Variants in PCDHGA6 observed in about 807,000 individuals in gnomAD.
PCDHGA6 encodes the protein protocadherin gamma subfamily A, 6, also known as protocadherin gamma-A6.
Under a neutral mutation model 60.6 loss-of-function variants are expected in PCDHGA6, and 41 were observed. The ratio of observed to expected loss-of-function variants is 0.68; its 90% CI spans 0.53 to 0.88. The LOEUF (loss-of-function observed/expected upper bound fraction) is 0.88, where lower values mean the gene tolerates loss of function less well. Among genes scored for constraint, PCDHGA6 ranks in the 40% least tolerant of loss-of-function variants. The pLI is 0.00. For missense variants in PCDHGA6, 1,312 were observed against 1,203.0 expected, an observed-to-expected ratio of 1.09 and a Z score of -1.34; for synonymous variants, 594 against 524.4, an observed-to-expected ratio of 1.13 and a Z score of -1.81.
At chr5:141,399,564 G>C (rs1284243936) in intron 1 of PCDHGA6, 3 of 1,614,038 alleles carry the variant, frequency 1.9e-6, no homozygotes, top group East Asian at 4.5e-5. Flanking sequence ...ACTTGGGGTT[G>C]AACGGCCAAG....
At position 141,461,820 on chromosome 5, in the gene PCDHGA6, AT is replaced by A. The variant is rs1458631685; in HGVS notation, c.2425-32978del. Among the ~76,000 whole-genome samples the A allele has an allele frequency of 8.1e-5, 12 of 147,918 alleles. 1 individual carries two copies. In the South Asian group the frequency reaches 1.3e-3, roughly 16 times the overall value. On this transcript the variant is annotated intron_variant, in intron 1 of 3. Transcript: ENST00000517434. ...AGGTGCCCACCACCACACCCAGCTAATTTTTTTTTCTTTTTTTTTTGAGACA... is the reference window on the plus strand; with the variant it reads ...AGGTGCCCACCACCACACCCAGCTAATTTTTTTTCTTTTTTTTTTGAGACA...
intron 1 of PCDHGA6, among the ~76,000 whole-genome samples, chr5:141,470,664 G>A (rs1308061207): frequency 6.6e-6 from 1 of 151,882 alleles, no homozygotes; most frequent in Non-Finnish European, 1.5e-5. Context: ...CTTTGGTTAG[G>A]GCTCTGCTGT....
chr5:141,383,658 G>A, intron 1 of PCDHGA6: 1 of 1,614,036 alleles, frequency 6.2e-7, no homozygotes, highest in Admixed American at 1.7e-5. Context: ...CTGTCCCCGA[G>A]AATGTGCCAG....
At chr5:141,457,230 A>G (rs1248092452) in intron 1 of PCDHGA6, among the ~76,000 whole-genome samples, 2 of 152,174 alleles carry the variant, frequency 1.3e-5, no homozygotes, top group African/African-American at 4.8e-5. Flanking sequence ...GGTAATTTCC[A>G]TCTAAAATTT....
chr5:141,487,451 A>G lies in PCDHGA6; in HGVS notation c.2425-7356A>G. 6.2e-7 allele frequency: 1 copy of G among 1,614,122 alleles called. No homozygotes were observed. Among genetic ancestry groups the G allele is most frequent in the Non-Finnish European group, 8.5e-7 (1 of 1,180,006 alleles). On this transcript the variant is annotated intron_variant, in intron 1 of 3. Transcript: ENST00000517434. This position sits in a 1 kb window ranked among gnomAD's most constrained non-coding sequence, Gnocchi z 5.0. ...AATCCAGCTAGGGTCAGATGACCCT[A>G]TCAAGTTTGTTGATGTGGGAGGCCA...
chr5:141,439,459 A>T (rs558086952), intron 1 of PCDHGA6, among the ~76,000 whole-genome samples: 1 of 152,340 alleles, frequency 6.6e-6, no homozygotes, highest in African/African-American at 2.4e-5. Flanking sequence ...GCAAGACTGC[A>T]CTGCTGCCTT....
rs1426255577 is a variant in PCDHGA6, at chr5:141,512,797, TG to T, written c.*1625del. 6.6e-6 allele frequency: 1 copy of T among 152,300 alleles called. No homozygotes were observed. Among genetic ancestry groups the T allele is most frequent in the African/African-American group, 2.4e-5 (1 of 41,444 alleles). The allele number at this position is 152,300 out of a possible 1,614,324, so 9.4% of individuals were successfully genotyped here. On this transcript the variant is annotated 3_prime_UTR_variant, in exon 4 of 4. Transcript: ENST00000517434. ...GCGGCCCGTGTTGTGTTTTGTGCTGTGTCCACGCGCTAAGGCGACCCCCTCC... is the reference window on the plus strand; with the variant it reads ...GCGGCCCGTGTTGTGTTTTGTGCTGTTCCACGCGCTAAGGCGACCCCCTCC...
chr5:141,432,706 C>G lies in PCDHGA6; in HGVS notation c.2424+56199C>G, dbSNP rs761752571. The G allele has an allele frequency of 6.2e-7, 1 of 1,613,988 alleles. No homozygotes were observed. Among genetic ancestry groups the G allele is most frequent in the African/African-American group, 1.3e-5 (1 of 75,072 alleles). Reference sequence around the variant, plus strand: ...GCCTCGTAGTGGCCGTCCAGGACCACGGCCAGCCCCCTCTCTCCGCCACTG... The same window carrying G: ...GCCTCGTAGTGGCCGTCCAGGACCAGGGCCAGCCCCCTCTCTCCGCCACTG... On this transcript the variant is annotated intron_variant, in intron 1 of 3. Transcript: ENST00000517434. The surrounding 1 kb of genome is among the most constrained non-coding windows in gnomAD (Gnocchi z 6.0).
chr5:141,414,334 A>G, intron 1 of PCDHGA6: 6 of 1,613,782 alleles, frequency 3.7e-6, no homozygotes, highest in Non-Finnish European at 5.1e-6. Flanking sequence ...TGGACAGGTA[A>G]CCTGTTCCAT....
Position 141,432,617 on chromosome 5 carries a change from G to A in PCDHGA6, c.2424+56110G>A. The A allele has an allele frequency of 6.2e-7, 1 of 1,613,694 alleles. No individual in the cohort carries two copies. Among genetic ancestry groups the A allele is most frequent in the South Asian group, 1.1e-5 (1 of 91,044 alleles). On this transcript the variant is annotated intron_variant, in intron 1 of 3. Coordinates refer to ENST00000517434, the MANE Select transcript of PCDHGA6 (RefSeq NM_018919.3). This position sits in a 1 kb window ranked among gnomAD's most constrained non-coding sequence, Gnocchi z 6.0. ...CAGCGAGCCGGGACTCTTCTCGGTGGGTCTGCACACGGGCGAGGTGCGCAC... is the reference window on the plus strand; with the variant it reads ...CAGCGAGCCGGGACTCTTCTCGGTGAGTCTGCACACGGGCGAGGTGCGCAC...
chr5:141,393,630 A>T (rs1298038670), intron 1 of PCDHGA6: 7 of 1,613,976 alleles, frequency 4.3e-6, no homozygotes, highest in Non-Finnish European at 5.9e-6. Flanking sequence ...GGATGAGGGA[A>T]TCAACGGAAA....
Position 141,438,619 on chromosome 5 carries a change from T to C in PCDHGA6, c.2425-56188T>C, listed in dbSNP as rs1053855444. Reference sequence around the variant, plus strand: ...ATATATATATATATATATATATATATATATATATATATATATACACACACA... The same window carrying C: ...ATATATATATATATATATATATATACATATATATATATATATACACACACA... On this transcript the variant is annotated intron_variant, in intron 1 of 3. Transcript: ENST00000517434. 1.0e-4 allele frequency among the ~76,000 whole-genome samples: 4 copies of C among 39,678 alleles called. No homozygotes were observed. The East Asian group carries it at 2.5e-3, about 25-fold the overall frequency. The allele number at this position is 39,678 out of a possible 152,430, so 26.0% of individuals were successfully genotyped here.
At chr5:141,378,584 A>T (rs1775030344) in intron 1 of PCDHGA6, 1 of 152,240 alleles carries the variant, frequency 6.6e-6, no homozygotes, top group Admixed American at 6.5e-5. Flanking sequence ...CATGCTCGGT[A>T]GTGTCTGCTT....
Position 141,417,750 on chromosome 5 carries a change from G to A in PCDHGA6, c.2424+41243G>A, listed in dbSNP as rs1430413607. The A allele has an allele frequency of 1.5e-5, 22 of 1,426,796 alleles. 1 individual carries two copies. In the East Asian group the frequency reaches 5.5e-4, roughly 36 times the overall value. The allele number at this position is 1,426,796 out of a possible 1,614,324, so 88.4% of individuals were successfully genotyped here. On this transcript the variant is annotated intron_variant, in intron 1 of 3. Coordinates refer to ENST00000517434, the MANE Select transcript of PCDHGA6 (RefSeq NM_018919.3). ...CCTTGCCCAGCACACCAGATTGCCA[G>A]CTCCGAGACCCGGGACTCCTCCTGT...
Position 141,476,247 on chromosome 5 carries a change from G to A in PCDHGA6, c.2425-18560G>A. The A allele has an allele frequency of 6.2e-7, 1 of 1,614,042 alleles. No individual in the cohort carries two copies. Among genetic ancestry groups the A allele is most frequent in the Non-Finnish European group, 8.5e-7 (1 of 1,180,010 alleles). Reference sequence around the variant, plus strand: ...GAGATCCCGGAGGAAAGAGAGAAGGGTTTCGCTGTGGGCAACGTGGTCGCG... The same window carrying A: ...GAGATCCCGGAGGAAAGAGAGAAGGATTTCGCTGTGGGCAACGTGGTCGCG... On this transcript the variant is annotated intron_variant, in intron 1 of 3. Transcript: ENST00000517434. This position sits in a 1 kb window ranked among gnomAD's most constrained non-coding sequence, Gnocchi z 7.6.
intron 1 of PCDHGA6, chr5:141,397,891 A>G: frequency 3.2e-6 from 2 of 631,130 alleles, no homozygotes; most frequent in Non-Finnish European, 5.3e-6. Context: ...CTGTTGGCCA[A>G]AGTGCAGAGC....
intron 1 of PCDHGA6, among the ~76,000 whole-genome samples, chr5:141,407,487 C>T (rs928735518): frequency 7.0e-6 from 1 of 142,894 alleles, no homozygotes; most frequent in African/African-American, 2.6e-5. Context: ...TATGGAAAAT[C>T]TTTATTTCTG....
chr5:141,426,797 C>A (rs1487716495), intron 1 of PCDHGA6: 1 of 456,706 alleles, frequency 2.2e-6, no homozygotes, highest in Non-Finnish European at 4.4e-6. Context: ...GTTACCAGCT[C>A]AGTTCTAATG....
chr5:141,423,095 A>ACG (rs2096709208), intron 1 of PCDHGA6: 4 of 1,613,860 alleles, frequency 2.5e-6, no homozygotes, highest in African/African-American at 2.7e-5. Flanking sequence ...GTGGGGGAGC[A>ACG]CACGGGCGAG....
Sources: gnomAD v4.1 joint callset for allele counts (sites outside exome capture counted in the v4.1 genomes callset) on GRCh38, gnomAD v4.1.1 for gene constraint, Gnocchi (gnomAD v3.1) non-coding constraint, MANE v1.5 for transcripts, NCBI Gene and HGNC (gene_info 2026-07-23, HGNC 2026-07-21) for gene names.